Variants in PSMD5 observed in about 807,000 individuals in gnomAD.
PSMD5 encodes the protein 26S proteasome non-ATPase regulatory subunit 5.
PSMD5 carries 40 observed loss-of-function variants against 52.1 expected under a neutral mutation model. The observed-to-expected ratio is 0.77, with a 90% CI of 0.60 to 1.00. The LOEUF (loss-of-function observed/expected upper bound fraction) is 1.00, where lower values mean the gene tolerates loss of function less well. Ranked by LOEUF, PSMD5 falls within the 50% of genes least tolerant of loss-of-function variation. The pLI, the probability that PSMD5 is intolerant of heterozygous loss-of-function variation, is 0.00. For synonymous variants in PSMD5, 211 were observed against 226.6 expected (o/e 0.93, Z 0.62); for missense variants, 575 against 605.2 (o/e 0.95, Z 0.52).
intron 6 of PSMD5, among the ~76,000 whole-genome samples, chr9:120,825,946 G>A (rs2045118796): frequency 6.8e-6 from 1 of 148,066 alleles, no homozygotes; most frequent in Non-Finnish European, 1.5e-5. Context: ...ATAACTTCTT[G>A]TACTTTGCTG....
At chr9:120,837,647 G>A (rs1246569966) in intron 1 of PSMD5, among the ~76,000 whole-genome samples, 2 of 152,116 alleles carry the variant, frequency 1.3e-5, no homozygotes, top group Non-Finnish European at 2.9e-5. Context: ...ATACACTGCT[G>A]GTAGAAATGT....
intron 1 of PSMD5, among the ~76,000 whole-genome samples, chr9:120,836,067 T>A (rs939776178): frequency 5.3e-5 from 8 of 152,228 alleles, no homozygotes; most frequent in African/African-American, 1.9e-4. Flanking sequence ...TAGATTTGAC[T>A]ACTCTAGGTA....
At chr9:120,821,695 A>G (rs2045086053) in intron 7 of PSMD5, among the ~76,000 whole-genome samples, 2 of 152,074 alleles carry the variant, frequency 1.3e-5, no homozygotes, top group Non-Finnish European at 2.9e-5. Context: ...CCTGCCAACC[A>G]CTATTCTACC....
intron 6 of PSMD5, among the ~76,000 whole-genome samples, chr9:120,825,799 T>C (rs1008590599): frequency 7.2e-5 from 11 of 152,180 alleles, no homozygotes; most frequent in African/African-American, 2.7e-4. Flanking sequence ...TATTTATTCA[T>C]TCTAACAGTT....
chr9:120,827,037 C>T, intron 5 of PSMD5, 130 bp from the exon 6 acceptor site: 3 of 934,448 alleles, frequency 3.2e-6, no homozygotes, highest in Non-Finnish European at 4.5e-6. Flanking sequence ...CTTGGCTCCT[C>T]TTTTCACATG....
At chr9:120,832,943 A>G (rs1330984703) in intron 2 of PSMD5, among the ~76,000 whole-genome samples, 5 of 152,236 alleles carry the variant, frequency 3.3e-5, no homozygotes, top group Non-Finnish European at 7.3e-5. Context: ...TTGAACACAT[A>G]GGAATCTTTT....
At chr9:120,834,785 C>T (rs1041388974) in intron 1 of PSMD5, among the ~76,000 whole-genome samples, 10 of 152,196 alleles carry the variant, frequency 6.6e-5, no homozygotes, top group African/African-American at 2.4e-4. Flanking sequence ...ATTCACTCTG[C>T]ACCAGTGTTA....
chr9:120,820,506 G>T (rs770541186), intron 9 of PSMD5, among the ~76,000 whole-genome samples: 12 of 152,204 alleles, frequency 7.9e-5, no homozygotes, highest in Non-Finnish European at 1.3e-4. Flanking sequence ...GGTACCACTG[G>T]AGCATTAGGT....
intron 4 of PSMD5, among the ~76,000 whole-genome samples, chr9:120,830,059 CA>C (rs1284931350): frequency 2.0e-5 from 3 of 152,042 alleles, no homozygotes; most frequent in Non-Finnish European, 4.4e-5. Context: ...TGAGTGACAC[CA>C]GTAAGTTAGT....
At chr9:120,825,940 C>T (rs2045118766) in intron 6 of PSMD5, among the ~76,000 whole-genome samples, 2 of 150,720 alleles carry the variant, frequency 1.3e-5, no homozygotes, top group Admixed American at 1.3e-4. Context: ...CTGGCTATAA[C>T]TTCTTGTACT....
intron 4 of PSMD5, among the ~76,000 whole-genome samples, chr9:120,830,845 T>C (rs1244504679): frequency 1.3e-5 from 2 of 151,802 alleles, no homozygotes; most frequent in Non-Finnish European, 2.9e-5. Flanking sequence ...TCAAGTCTGG[T>C]TTCAATATCT....
At chr9:120,819,565 TG>T (rs2045068300) in intron 9 of PSMD5, among the ~76,000 whole-genome samples, 1 of 152,238 alleles carries the variant, frequency 6.6e-6, no homozygotes, top group African/African-American at 2.4e-5. Flanking sequence ...CTAGGCGCGG[TG>T]GCTCACGCCT....
At chr9:120,831,571 T>C in intron 3 of PSMD5, 112 bp from the exon 4 acceptor site, 1 of 1,318,698 alleles carries the variant, frequency 7.6e-7, no homozygotes, top group South Asian at 1.5e-5. Flanking sequence ...GTTTTAGCTA[T>C]TATTTATAAT....
chr9:120,831,860 C>A lies in PSMD5; in HGVS notation c.404G>T (p.Gly135Val). The change falls in exon 3 of 10, where the codon GGT (glycine) becomes GTT (valine). Residue 135 changes from glycine (G) to valine (V), a missense_variant. Transcript: ENST00000210313. ...ELLKQIVYCIGGENLSVAKAA... is the reference protein window; with the variant it reads ...ELLKQIVYCIVGENLSVAKAA... Reference sequence around the variant, plus strand: ...TTTTGCTACAGATAGATTCTCTCCACCAATGCAATAAACAATTTGTTTTAG... The same window carrying A: ...TTTTGCTACAGATAGATTCTCTCCAACAATGCAATAAACAATTTGTTTTAG... 1.2e-6 allele frequency: 2 copies of A among 1,613,358 alleles called. No homozygotes were observed. Among genetic ancestry groups the A allele is most frequent in the Non-Finnish European group, 1.7e-6 (2 of 1,179,852 alleles).
chr9:120,831,573 A>T, intron 3 of PSMD5, 114 bp from the exon 4 acceptor site: 1 of 1,320,726 alleles, frequency 7.6e-7, no homozygotes. Context: ...TTTAGCTATT[A>T]TTTATAATTG....
chr9:120,832,644 C>T (rs1297057408), intron 2 of PSMD5, among the ~76,000 whole-genome samples: 2 of 152,208 alleles, frequency 1.3e-5, no homozygotes, highest in Non-Finnish European at 2.9e-5. Flanking sequence ...GATCCGCCTG[C>T]CTTGGCTTCC....
rs556638910 is a variant in PSMD5 at position 120,821,554 on chromosome 9, T to C, written c.1007-90A>G. On this transcript the variant is annotated intron_variant, in intron 7 of 9. Coordinates refer to ENST00000210313, the MANE Select transcript of PSMD5 (RefSeq NM_005047.4). ...ATTTTAACCATTTTTAGTGTATAGT[T>C]CAGTGCTATTAAGTACATTCACACT... The C allele has an allele frequency of 1.2e-4, 106 of 873,764 alleles. No individual in the cohort carries two copies. In the African/African-American group the frequency reaches 1.6e-3, roughly 13 times the overall value. 54.1% of individuals were successfully genotyped at this position (873,764 alleles called of 1,614,324 possible).
At chr9:120,822,277 G>A (rs549367293) in intron 7 of PSMD5, among the ~76,000 whole-genome samples, 81 of 152,120 alleles carry the variant, frequency 5.3e-4, no homozygotes, top group African/African-American at 7.0e-4. Context: ...ATAATTACAC[G>A]CAACACAGCA....
chr9:120,821,264 ATTTAC>A, intron 8 of PSMD5, 86 bp downstream of exon 8: 3 of 915,408 alleles, frequency 3.3e-6, no homozygotes, highest in South Asian at 3.8e-5. Context: ...ATCTTCTTGT[ATTTAC>A]TTCATCACAT....
Sources: gnomAD v4.1 joint callset for allele counts (sites outside exome capture counted in the v4.1 genomes callset) on GRCh38, gnomAD v4.1.1 for gene constraint, MANE v1.5 for transcripts, NCBI Gene and HGNC (gene_info 2026-07-23, HGNC 2026-07-21) for gene names.